GLIS3: variants seen among roughly 807,000 people sequenced by gnomAD.
The protein encoded by GLIS3 is GLIS family zinc finger 3, also known as zinc finger protein GLIS3.
In GLIS3, 53 loss-of-function variants were observed where a neutral mutation model predicts 78.6. The observed-to-expected ratio is 0.67, with a 90% CI of 0.54 to 0.85. The LOEUF (loss-of-function observed/expected upper bound fraction) is 0.85. Among genes scored for constraint, GLIS3 ranks in the 40% least tolerant of loss-of-function variants. The pLI, the probability that GLIS3 is intolerant of heterozygous loss-of-function variation, is 0.00. For missense variants in GLIS3, 1,703 were observed against 1,231.1 expected, an observed-to-expected ratio of 1.38 and a Z score of -5.74; for synonymous variants, 684 against 509.9, an observed-to-expected ratio of 1.34 and a Z score of -4.60.
At chr9:4,184,952 A>C (rs947348557) in intron 2 of GLIS3, among the ~76,000 whole-genome samples, 1 of 152,220 alleles carries the variant, frequency 6.6e-6, no homozygotes, top group Non-Finnish European at 1.5e-5. Flanking sequence ...ACTTTGTGAA[A>C]AACAACAAAT....
chr9:4,475,248 G>C, the GLIS3 span, among the ~76,000 whole-genome samples: 15 of 152,202 alleles, frequency 9.9e-5, no homozygotes, highest in African/African-American at 2.9e-4. Context: ...GGCTCACATA[G>C]AGGAAAGAAT....
chr9:4,393,401 G>A, the GLIS3 span, among the ~76,000 whole-genome samples: 9 of 152,194 alleles, frequency 5.9e-5, no homozygotes, highest in African/African-American at 1.9e-4. Flanking sequence ...ACTACACTGT[G>A]ATTATCAAGA....
At chr9:4,411,383 A>G in the GLIS3 span, among the ~76,000 whole-genome samples, 90,978 of 152,060 alleles carry the variant, frequency 0.6, 28,081 homozygotes, top group African/African-American at 0.73. Context: ...ACAAAATATT[A>G]CCGGCAGTAC....
intron 2 of GLIS3, among the ~76,000 whole-genome samples, chr9:4,172,686 G>C (rs1272800377): frequency 6.6e-6 from 1 of 152,186 alleles, no homozygotes; most frequent in Non-Finnish European, 1.5e-5. Flanking sequence ...GGCTTTGCCT[G>C]TCCTCTCCAC....
At chr9:4,412,988 T>A in the GLIS3 span, among the ~76,000 whole-genome samples, 2 of 152,240 alleles carry the variant, frequency 1.3e-5, no homozygotes, top group African/African-American at 4.8e-5. Context: ...TTCTTCCAAT[T>A]ACACTTAATA....
intron 4 of GLIS3, among the ~76,000 whole-genome samples, chr9:3,975,775 A>G (rs937944396): frequency 2.6e-5 from 4 of 152,154 alleles, no homozygotes; most frequent in Non-Finnish European, 5.9e-5. Flanking sequence ...ATATCAAGCT[A>G]TCATCATATA....
At chr9:3,891,549 T>G (rs138569146) in intron 7 of GLIS3, among the ~76,000 whole-genome samples, 1 of 152,050 alleles carries the variant, frequency 6.6e-6, no homozygotes, top group East Asian at 1.9e-4. Flanking sequence ...ATTTTAAAAA[T>G]AAATTAGCCA....
the GLIS3 span, among the ~76,000 whole-genome samples, chr9:4,474,763 C>T: frequency 7.6e-5 from 11 of 145,462 alleles, no homozygotes; most frequent in African/African-American, 2.8e-4. Context: ...GTGGCATGAA[C>T]ATGGCTCACT....
At chr9:4,081,067 C>G (rs1242514335) in intron 4 of GLIS3, among the ~76,000 whole-genome samples, 4 of 152,176 alleles carry the variant, frequency 2.6e-5, no homozygotes, top group Non-Finnish European at 5.9e-5. Context: ...AGGGTAGAAT[C>G]TGCCCCAGAA....
intron 2 of GLIS3, among the ~76,000 whole-genome samples, chr9:4,337,742 C>A (rs1352197765): frequency 6.6e-6 from 1 of 152,030 alleles, no homozygotes; most frequent in African/African-American, 2.4e-5. Context: ...ATAATGATCA[C>A]AATAGTAGCA....
chr9:4,354,920 T>C, the GLIS3 span, among the ~76,000 whole-genome samples: 1 of 151,804 alleles, frequency 6.6e-6, no homozygotes, highest in African/African-American at 2.4e-5. Flanking sequence ...ATCGAGACCA[T>C]CCTGGCTAAC....
At chr9:4,014,975 T>C (rs1822321926) in intron 4 of GLIS3, among the ~76,000 whole-genome samples, 1 of 152,194 alleles carries the variant, frequency 6.6e-6, no homozygotes, top group African/African-American at 2.4e-5. Flanking sequence ...AGACAGACCC[T>C]TCCCTTCATG....
intron 4 of GLIS3, among the ~76,000 whole-genome samples, chr9:4,015,569 T>A (rs1822363268): frequency 6.6e-6 from 1 of 152,276 alleles, no homozygotes; most frequent in South Asian, 2.1e-4. Context: ...CTATCTTGTC[T>A]ACAAAAGAAG....
intron 7 of GLIS3, among the ~76,000 whole-genome samples, chr9:3,892,571 C>G (rs1294150724): frequency 6.6e-6 from 1 of 152,038 alleles, no homozygotes; most frequent in African/African-American, 2.4e-5. Flanking sequence ...CATTAATGTC[C>G]CTTAATTTAG....
the GLIS3 span, among the ~76,000 whole-genome samples, chr9:4,451,760 T>A: frequency 6.6e-6 from 1 of 152,000 alleles, no homozygotes; most frequent in African/African-American, 2.4e-5. Context: ...GGGTACATAA[T>A]GAAATGAAGG....
the GLIS3 span, among the ~76,000 whole-genome samples, chr9:4,463,961 G>A: frequency 1.3e-5 from 2 of 151,938 alleles, no homozygotes; most frequent in African/African-American, 4.8e-5. Context: ...ATACTTCGAA[G>A]AAAAAAAATT....
chr9:4,207,600 A>G (rs1819994829), intron 2 of GLIS3, among the ~76,000 whole-genome samples: 1 of 152,220 alleles, frequency 6.6e-6, no homozygotes. Context: ...AGATCTTCAC[A>G]GACATTATTG....
At chr9:4,209,955 C>A (rs1353520787) in intron 2 of GLIS3, among the ~76,000 whole-genome samples, 1 of 152,170 alleles carries the variant, frequency 6.6e-6, no homozygotes, top group Non-Finnish European at 1.5e-5. Context: ...ATCCCCTCAT[C>A]CGTAATGTTT....
At chr9:4,199,821 G>T (rs1489692195) in intron 2 of GLIS3, among the ~76,000 whole-genome samples, 1 of 152,116 alleles carries the variant, frequency 6.6e-6, no homozygotes, top group Non-Finnish European at 1.5e-5. Flanking sequence ...TAATAGATAT[G>T]TACAGAATAC....
Sources: gnomAD v4.1 joint callset for allele counts (sites outside exome capture counted in the v4.1 genomes callset) on GRCh38, gnomAD v4.1.1 for gene constraint, MANE v1.5 for transcripts, NCBI Gene and HGNC (gene_info 2026-07-23, HGNC 2026-07-21) for gene names.